CNTNAP2: variants seen among roughly 807,000 people sequenced by gnomAD.
CNTNAP2 encodes contactin-associated protein-like 2.
Under a neutral mutation model 155.2 loss-of-function variants are expected in CNTNAP2, and 98 were observed. The observed-to-expected ratio is 0.63, with a 90% CI of 0.54 to 0.75. CNTNAP2 has a LOEUF of 0.75. CNTNAP2 is among the 30% of genes least tolerant of loss of function. The probability of loss-of-function intolerance (pLI) is 0.00; values close to 1 mark genes in which losing one functional copy is unlikely to be tolerated. For missense variants in CNTNAP2, 1,727 were observed against 1,688.1 expected (o/e 1.02, Z -0.40); for synonymous variants, 651 against 631.2 (o/e 1.03, Z -0.47).
chr7:147,464,244 G>T (rs768168326), intron 10 of CNTNAP2, among the ~76,000 whole-genome samples: 1 of 151,972 alleles, frequency 6.6e-6, no homozygotes, highest in Non-Finnish European at 1.5e-5. Context: ...GAGGCTGGTG[G>T]ATCACTAGGT....
intron 1 of CNTNAP2, among the ~76,000 whole-genome samples, chr7:146,314,245 C>T (rs1320564979): frequency 6.6e-6 from 1 of 152,150 alleles, no homozygotes; most frequent in Non-Finnish European, 1.5e-5. Flanking sequence ...TCAGCCCAGT[C>T]AGAGATTCTA....
chr7:148,032,218 G>A (rs1802491095), intron 15 of CNTNAP2, among the ~76,000 whole-genome samples: 1 of 152,274 alleles, frequency 6.6e-6, no homozygotes, highest in Middle Eastern at 3.4e-3. Flanking sequence ...CTCTATTGGG[G>A]AGACATTGAC....
At chr7:146,991,087 T>A (rs1382519256) in intron 3 of CNTNAP2, among the ~76,000 whole-genome samples, 2 of 151,856 alleles carry the variant, frequency 1.3e-5, no homozygotes, top group Non-Finnish European at 2.9e-5. Flanking sequence ...ATAAATAAGG[T>A]TTAAAAAACT....
chr7:147,877,651 T>G lies in CNTNAP2; in HGVS notation c.2099-25914T>G, dbSNP rs937649686. ...CCTCCTAGATAAGCTCAAGACACTTTGTTAAATGAACACCTGACAAAGGCT... is the reference window on the plus strand; with the variant it reads ...CCTCCTAGATAAGCTCAAGACACTTGGTTAAATGAACACCTGACAAAGGCT... On this transcript the variant is annotated intron_variant, in intron 13 of 23. Transcript: ENST00000361727. Among the ~76,000 whole-genome samples, 5 of 152,300 alleles carry G rather than the reference T, an allele frequency of 3.3e-5. No homozygotes were observed. The South Asian group carries it at 1.0e-3, about 32-fold the overall frequency.
chr7:147,131,504 T>C (rs1297226347), intron 7 of CNTNAP2, among the ~76,000 whole-genome samples: 1 of 150,752 alleles, frequency 6.6e-6, no homozygotes, highest in Non-Finnish European at 1.5e-5. Context: ...GGAGGAGGAG[T>C]ATAGAAGGGG....
At chr7:146,716,381 T>A (rs73457249) in intron 1 of CNTNAP2, among the ~76,000 whole-genome samples, 11,594 of 147,000 alleles carry the variant, frequency 0.079, 1,191 homozygotes, top group African/African-American at 0.26. Flanking sequence ...TTAAAAAAAC[T>A]CAAAACAAAA....
intron 1 of CNTNAP2, among the ~76,000 whole-genome samples, chr7:146,248,207 G>A (rs1178797218): frequency 6.6e-6 from 1 of 152,054 alleles, no homozygotes; most frequent in Non-Finnish European, 1.5e-5. Context: ...AGAGATATGA[G>A]GTTGGAGTAT....
chr7:147,651,459 C>T (rs1182944811), intron 13 of CNTNAP2, among the ~76,000 whole-genome samples: 1 of 152,170 alleles, frequency 6.6e-6, no homozygotes, highest in African/African-American at 2.4e-5. Flanking sequence ...TAAAACCGAC[C>T]ATCACAGTCA....
At chr7:147,779,566 G>T (rs851681) in intron 13 of CNTNAP2, among the ~76,000 whole-genome samples, 65,961 of 151,966 alleles carry the variant, frequency 0.43, 16,469 homozygotes, top group African/African-American at 0.7. Context: ...TTTTCAAGCT[G>T]TTTTTTAGCA....
chr7:146,150,873 G>A (rs959476677), intron 1 of CNTNAP2, among the ~76,000 whole-genome samples: 23 of 151,730 alleles, frequency 1.5e-4, no homozygotes, highest in African/African-American at 2.9e-4. Context: ...TTATTAGTCC[G>A]TTTTCACACT....
chr7:147,386,764 C>A (rs1218698625), intron 9 of CNTNAP2, among the ~76,000 whole-genome samples: 3 of 152,192 alleles, frequency 2.0e-5, no homozygotes, highest in Non-Finnish European at 4.4e-5. Context: ...TCACCAGTTC[C>A]AATGTTGCTT....
chr7:148,289,625 A>T (rs1797155895), intron 21 of CNTNAP2, among the ~76,000 whole-genome samples: 1 of 152,194 alleles, frequency 6.6e-6, no homozygotes, highest in Non-Finnish European at 1.5e-5. Context: ...AGGCGGGTAA[A>T]GGAACAGAAT....
rs574396369 is a variant in CNTNAP2 at position 147,289,177 on chromosome 7, A to G, written c.1349-10964A>G. Among the ~76,000 whole-genome samples the G allele has an allele frequency of 4.4e-4, 67 of 152,266 alleles. 1 individual carries two copies. In the South Asian group the frequency reaches 9.9e-3, roughly 23 times the overall value. ...AGGAAATAGTAGGTATTCAATACAT[A>G]TTTACAAATAAACAGAGGATTGATA... is the stretch of plus-strand genomic sequence containing the variant. On this transcript the variant is annotated intron_variant, in intron 8 of 23. Coordinates refer to ENST00000361727, the MANE Select transcript of CNTNAP2 (RefSeq NM_014141.6).
At chr7:146,998,626 A>G (rs1482989837) in intron 3 of CNTNAP2, among the ~76,000 whole-genome samples, 1 of 151,960 alleles carries the variant, frequency 6.6e-6, no homozygotes, top group African/African-American at 2.4e-5. Context: ...GCTGAAAGTG[A>G]GGTGATGAAG....
chr7:147,202,118 T>C (rs1185847223), intron 8 of CNTNAP2, among the ~76,000 whole-genome samples: 1 of 150,158 alleles, frequency 6.7e-6, no homozygotes, highest in Non-Finnish European at 1.5e-5. Flanking sequence ...CAAGATAGAA[T>C]GAAAGAAAAA....
intron 3 of CNTNAP2, among the ~76,000 whole-genome samples, chr7:147,004,077 C>A (rs1235023735): frequency 6.6e-6 from 1 of 151,520 alleles, no homozygotes. Context: ...TAATTAGGTA[C>A]AATAACAATA....
chr7:147,148,603 T>C (rs1249744646), intron 8 of CNTNAP2, among the ~76,000 whole-genome samples: 1 of 152,180 alleles, frequency 6.6e-6, no homozygotes, highest in Non-Finnish European at 1.5e-5. Context: ...TTCTTAAAGA[T>C]GGCGTGTCCA....
chr7:147,090,566 A>G (rs1800380883), intron 4 of CNTNAP2, among the ~76,000 whole-genome samples: 1 of 152,156 alleles, frequency 6.6e-6, no homozygotes, highest in Non-Finnish European at 1.5e-5. Flanking sequence ...AATGTTCTAG[A>G]ATTAAAATAA....
Position 146,468,811 on chromosome 7 carries a change from T to C in CNTNAP2, c.98-305460T>C, listed in dbSNP as rs532541547. On this transcript the variant is annotated intron_variant, in intron 1 of 23. Transcript: ENST00000361727. ...AATCTGGAAGGAGTTTAAAAAACTC[T>C]GCAAAATGAAAATTATAGACTGAGA... 4.3e-4 allele frequency among the ~76,000 whole-genome samples: 65 copies of C among 152,232 alleles called. 2 individuals carry two copies. Among genetic ancestry groups the C allele is most frequent in the Admixed American group, 9.8e-4 (15 of 15,294 alleles).
Sources: gnomAD v4.1 joint callset for allele counts (sites outside exome capture counted in the v4.1 genomes callset) on GRCh38, gnomAD v4.1.1 for gene constraint, MANE v1.5 for transcripts, NCBI Gene and HGNC (gene_info 2026-07-23, HGNC 2026-07-21) for gene names.